The following PRKCA variants were observed in gnomAD, a reference collection of about 807,000 sequenced individuals.
PRKCA encodes protein kinase C alpha.
PRKCA carries 27 observed loss-of-function variants against 87.0 expected under a neutral mutation model. That is an observed-to-expected ratio of 0.31 (90% CI 0.23 to 0.43). The LOEUF (loss-of-function observed/expected upper bound fraction) is 0.43. PRKCA is among the 20% of genes least tolerant of loss of function. PRKCA has a pLI of 1.00. For missense variants in PRKCA, 518 were observed against 852.3 expected, an observed-to-expected ratio of 0.61 and a Z score of 4.88; for synonymous variants, 329 against 311.1, an observed-to-expected ratio of 1.06 and a Z score of -0.61.
intron 2 of PRKCA, among the ~76,000 whole-genome samples, chr17:66,401,239 C>G (rs1041066261): frequency 2.6e-5 from 4 of 152,162 alleles, no homozygotes; most frequent in Admixed American, 6.5e-5. Context: ...AAGCACTAAA[C>G]CAGGTCAGCT....
At chr17:66,350,422 C>G (rs1026549791) in intron 2 of PRKCA, among the ~76,000 whole-genome samples, 1 of 152,040 alleles carries the variant, frequency 6.6e-6, no homozygotes, top group Non-Finnish European at 1.5e-5. Flanking sequence ...ACTTCTGTTT[C>G]CCTTTCCTAA....
chr17:66,457,688 C>G (rs1040117043), intron 2 of PRKCA, among the ~76,000 whole-genome samples: 3 of 152,032 alleles, frequency 2.0e-5, no homozygotes, highest in African/African-American at 7.2e-5. Context: ...GGGGCCTTTC[C>G]CACCCTTTGC....
chr17:66,464,173 A>G (rs559595736), intron 2 of PRKCA, among the ~76,000 whole-genome samples: 72 of 152,182 alleles, frequency 4.7e-4, no homozygotes, highest in African/African-American at 1.7e-3. Context: ...AGCAATATGC[A>G]TTTATGTTTT....
chr17:66,672,465 T>G (rs1303809711), intron 5 of PRKCA, among the ~76,000 whole-genome samples: 1 of 152,230 alleles, frequency 6.6e-6, no homozygotes, highest in Non-Finnish European at 1.5e-5. Flanking sequence ...GAGGAGTAAT[T>G]TGGCAATGTA....
At chr17:66,757,446 C>T (rs1395527501) in intron 13 of PRKCA, among the ~76,000 whole-genome samples, 2 of 151,844 alleles carry the variant, frequency 1.3e-5, no homozygotes, top group South Asian at 4.1e-4. Flanking sequence ...AAACAAAAAG[C>T]TAGGCATATC....
At chr17:66,415,784 A>G (rs1315711643) in intron 2 of PRKCA, 1 of 152,066 alleles carries the variant, frequency 6.6e-6, no homozygotes, top group Non-Finnish European at 1.5e-5. Flanking sequence ...CTGCTTCCTC[A>G]TCTGTGAAAT....
chr17:66,687,577 C>T (rs1193622391), intron 6 of PRKCA, among the ~76,000 whole-genome samples: 1 of 152,144 alleles, frequency 6.6e-6, no homozygotes, highest in Non-Finnish European at 1.5e-5. Flanking sequence ...GTGTCCACCT[C>T]TTGATGGACT....
intron 2 of PRKCA, among the ~76,000 whole-genome samples, chr17:66,472,346 C>T (rs1017595265): frequency 3.3e-5 from 5 of 152,134 alleles, no homozygotes; most frequent in Non-Finnish European, 4.4e-5. Context: ...GAGCTGCTAT[C>T]GCTAGGAAAA....
intron 3 of PRKCA, among the ~76,000 whole-genome samples, chr17:66,496,999 C>T (rs1306456245): frequency 6.6e-6 from 1 of 152,130 alleles, no homozygotes; most frequent in Non-Finnish European, 1.5e-5. Flanking sequence ...TTGCTTTGGG[C>T]CAATGTAACA....
At chr17:66,708,317 C>T (rs1973238269) in intron 8 of PRKCA, among the ~76,000 whole-genome samples, 1 of 152,232 alleles carries the variant, frequency 6.6e-6, no homozygotes, top group Non-Finnish European at 1.5e-5. Context: ...CATCTCCCTT[C>T]CCAGCATCCA....
chr17:66,568,404 G>A (rs569446478), intron 3 of PRKCA, among the ~76,000 whole-genome samples: 94 of 152,262 alleles, frequency 6.2e-4, no homozygotes, highest in Non-Finnish European at 1.2e-3. Context: ...CTTGTTCTGG[G>A]AGCTGCTTTT....
chr17:66,496,110 G>T, intron 2 of PRKCA, 91 bp from the exon 3 acceptor site: 1 of 955,060 alleles, frequency 1.0e-6, no homozygotes. Context: ...AAATTAAATT[G>T]ACTTCTAACA....
intron 16 of PRKCA, among the ~76,000 whole-genome samples, chr17:66,801,648 T>C (rs1046996410): frequency 6.6e-6 from 1 of 152,256 alleles, no homozygotes; most frequent in African/African-American, 2.4e-5. Context: ...CTGCCTCTGC[T>C]GACCTTGGCT....
At chr17:66,507,533 A>G (rs1917030443) in intron 3 of PRKCA, among the ~76,000 whole-genome samples, 1 of 152,248 alleles carries the variant, frequency 6.6e-6, no homozygotes, top group Non-Finnish European at 1.5e-5. Context: ...ATCCTGAGAC[A>G]TTAACAGTAA....
chr17:66,405,405 T>C (rs1385461751), intron 2 of PRKCA, among the ~76,000 whole-genome samples: 4 of 152,220 alleles, frequency 2.6e-5, no homozygotes, highest in Non-Finnish European at 5.9e-5. Context: ...TTCCTCAGAC[T>C]AATCCACGGG....
At chr17:66,495,101 CAAA>C (rs34731379) in intron 2 of PRKCA, among the ~76,000 whole-genome samples, 1 of 132,244 alleles carries the variant, frequency 7.6e-6, no homozygotes, top group Non-Finnish European at 1.6e-5. Flanking sequence ...GACCCGGTCT[CAAA>C]AAAAAAAAAA....
chr17:66,358,394 A>C (rs559832532), intron 2 of PRKCA, among the ~76,000 whole-genome samples: 46 of 152,304 alleles, frequency 3.0e-4, no homozygotes, highest in African/African-American at 1.1e-3. Context: ...GTAAGTCCTT[A>C]GAAGCCAGAG....
chr17:66,364,956 T>C (rs1182289503), intron 2 of PRKCA, among the ~76,000 whole-genome samples: 4 of 152,180 alleles, frequency 2.6e-5, no homozygotes, highest in African/African-American at 9.7e-5. Flanking sequence ...TAAAATCTAA[T>C]TGTACCAGGT....
chr17:66,433,028 G>A (rs1367506822), intron 2 of PRKCA, among the ~76,000 whole-genome samples: 1 of 152,198 alleles, frequency 6.6e-6, no homozygotes, highest in South Asian at 2.1e-4. Context: ...AGACTCTGAT[G>A]TGTGCAGTTA....
Sources: allele counts gnomAD v4.1 joint callset (sites outside exome capture counted in the v4.1 genomes callset), GRCh38; gene constraint gnomAD v4.1.1; transcripts MANE v1.5; gene names NCBI Gene and HGNC (gene_info 2026-07-23, HGNC 2026-07-21).